Variants in PUS10 observed in about 807,000 individuals in gnomAD.
PUS10 encodes pseudouridine synthase 10, also known as tRNA pseudouridine synthase Pus10.
Under a neutral mutation model 75.0 loss-of-function variants are expected in PUS10, and 59 were observed. The ratio of observed to expected loss-of-function variants is 0.79; its 90% CI spans 0.64 to 0.98. PUS10 has a LOEUF of 0.98. PUS10 is among the 50% of genes least tolerant of loss of function. The probability of loss-of-function intolerance (pLI) is 0.00; values close to 1 mark genes in which losing one functional copy is unlikely to be tolerated. For synonymous variants in PUS10, 219 were observed against 211.6 expected (o/e 1.03, Z -0.30); for missense variants, 650 against 614.4 (o/e 1.06, Z -0.61).
At chr2:60,989,133 A>G (rs943031084) in intron 4 of PUS10, among the ~76,000 whole-genome samples, 3 of 151,978 alleles carry the variant, frequency 2.0e-5, no homozygotes, top group Admixed American at 6.5e-5. Context: ...AGCAGAAGAA[A>G]TGAATACTCC....
At position 61,008,818 on chromosome 2, in the gene PUS10, T is replaced by C. The variant is rs756816485; in HGVS notation, c.324A>G (p.Val108=). 2 of 1,608,692 alleles carry C rather than the reference T, an allele frequency of 1.2e-6. No homozygotes were observed. Among genetic ancestry groups the C allele is most frequent in the South Asian group, 1.1e-5 (1 of 90,322 alleles). ...STASKNSNLN[V]CNVCLGILQE... ...GAAGAATTCCTAGGCATACATTACA[T>C]ACATTTAAATTTGAGTTCTTGGAAG... The change falls in exon 3 of 18, where the codon GTA becomes GTG. Residue 108 remains valine (V), a synonymous_variant. Coordinates refer to ENST00000316752, the MANE Select transcript of PUS10 (RefSeq NM_144709.4).
At chr2:61,007,736 TC>T (rs1167776598) in intron 3 of PUS10, among the ~76,000 whole-genome samples, 9 of 130,218 alleles carry the variant, frequency 6.9e-5, no homozygotes, top group African/African-American at 2.4e-4. Context: ...ACCACTGCAC[TC>T]CAGCCTGGGT....
At position 60,983,806 on chromosome 2, in the gene PUS10, C is replaced by G. The variant is rs760094355; in HGVS notation, c.469-12249G>C. Among the ~76,000 whole-genome samples, 4 of 151,006 alleles carry G rather than the reference C, an allele frequency of 2.6e-5. No individual in the cohort carries two copies. The East Asian group carries it at 7.8e-4, about 29-fold the overall frequency. ...TTTTAAAATAGTAAAAAAGAAATGA[C>G]AAAACTATCATTATTTGCAAATAAG... On this transcript the variant is annotated intron_variant, in intron 4 of 17. Transcript: ENST00000316752.
At chr2:60,972,070 T>C (rs546606833) in intron 4 of PUS10, among the ~76,000 whole-genome samples, 2 of 149,028 alleles carry the variant, frequency 1.3e-5, no homozygotes, top group Admixed American at 1.3e-4. Context: ...GTTTTCACCA[T>C]GTTGGCCAGG....
At chr2:61,007,178 T>C (rs531621621) in intron 3 of PUS10, among the ~76,000 whole-genome samples, 17 of 151,812 alleles carry the variant, frequency 1.1e-4, no homozygotes, top group Non-Finnish European at 1.9e-4. Flanking sequence ...TTTTCAGATA[T>C]GTCAATTAAA....
intron 8 of PUS10, among the ~76,000 whole-genome samples, chr2:60,964,826 T>C (rs1419664912): frequency 6.6e-6 from 1 of 152,138 alleles, no homozygotes; most frequent in African/African-American, 2.4e-5. Flanking sequence ...AGGGGAACAA[T>C]CTAGACACTA....
At chr2:60,987,448 A>G (rs1454723766) in intron 4 of PUS10, among the ~76,000 whole-genome samples, 1 of 152,114 alleles carries the variant, frequency 6.6e-6, no homozygotes, top group Non-Finnish European at 1.5e-5. Context: ...GAGAGAGAAA[A>G]AAAAGGAAGA....
intron 15 of PUS10, among the ~76,000 whole-genome samples, chr2:60,950,537 C>T (rs1675271956): frequency 6.6e-6 from 1 of 152,166 alleles, no homozygotes; most frequent in Non-Finnish European, 1.5e-5. Context: ...CATGCCTCAT[C>T]TTCCCAAGTA....
intron 4 of PUS10, among the ~76,000 whole-genome samples, chr2:60,972,953 T>G (rs1235613551): frequency 6.6e-6 from 1 of 152,234 alleles, no homozygotes; most frequent in African/African-American, 2.4e-5. Flanking sequence ...CCGGAGTAGC[T>G]GCTGCCATCA....
chr2:61,007,210 CTTT>C (rs1234880152), intron 3 of PUS10, among the ~76,000 whole-genome samples: 7 of 146,254 alleles, frequency 4.8e-5, no homozygotes, highest in Non-Finnish European at 1.0e-4. Context: ...GAAGAGTAGG[CTTT>C]TGTTTTTTTT....
chr2:60,974,755 T>C, intron 4 of PUS10, among the ~76,000 whole-genome samples: 1 of 152,260 alleles, frequency 6.6e-6, no homozygotes, highest in East Asian at 1.9e-4. Flanking sequence ...TGGAGCTGCC[T>C]GCCCCACTGC....
chr2:60,979,702 A>G (rs1471664717), intron 4 of PUS10, among the ~76,000 whole-genome samples: 1 of 152,164 alleles, frequency 6.6e-6, no homozygotes, highest in African/African-American at 2.4e-5. Flanking sequence ...TTCTTTCCCT[A>G]CATGGTTGAG....
At chr2:61,012,834 CAAAAAAAAAAAAAA>C (rs70959885) in intron 1 of PUS10, among the ~76,000 whole-genome samples, 4 of 30,158 alleles carry the variant, frequency 1.3e-4, no homozygotes, top group Non-Finnish European at 2.0e-4. Flanking sequence ...AACTCCGTCT[CAAAAAAAAAAAAAA>C]AAAAAAAAAA....
intron 10 of PUS10, 133 bp from the exon 11 acceptor site, chr2:60,960,650 C>G (rs1675970573): frequency 2.9e-6 from 2 of 693,716 alleles, no homozygotes; most frequent in Admixed American, 3.8e-5. Flanking sequence ...CTTTACCTAA[C>G]TAACAATCCA....
At chr2:60,944,745 C>T (rs1408729005) in intron 17 of PUS10, among the ~76,000 whole-genome samples, 1 of 151,790 alleles carries the variant, frequency 6.6e-6, no homozygotes, top group East Asian at 1.9e-4. Flanking sequence ...TATTTCCGTG[C>T]TTGGTTTAAG....
At chr2:60,988,490 T>C (rs1036231852) in intron 4 of PUS10, among the ~76,000 whole-genome samples, 5 of 152,222 alleles carry the variant, frequency 3.3e-5, no homozygotes, top group Non-Finnish European at 7.3e-5. Flanking sequence ...ACTTTGGTCT[T>C]AGTAATTTGC....
intron 4 of PUS10, among the ~76,000 whole-genome samples, chr2:60,974,211 CTTTTTTTTT>C (rs35241132): frequency 2.1e-5 from 2 of 96,068 alleles, no homozygotes; most frequent in African/African-American, 4.9e-5. Context: ...GATAAAGCTC[CTTTTTTTTT>C]TTTTTTTTTT....
chr2:60,969,601 C>T (rs888388275), intron 5 of PUS10, among the ~76,000 whole-genome samples: 7 of 152,176 alleles, frequency 4.6e-5, no homozygotes, highest in Non-Finnish European at 8.8e-5. Flanking sequence ...CCAGAGTATG[C>T]AAGGCAATTA....
intron 11 of PUS10, among the ~76,000 whole-genome samples, chr2:60,957,858 C>A (rs755526573): frequency 6.6e-6 from 1 of 152,276 alleles, no homozygotes; most frequent in Non-Finnish European, 1.5e-5. Flanking sequence ...GCTTCCAGCA[C>A]AGCATGACTC....
Sources: allele counts gnomAD v4.1 joint callset (sites outside exome capture counted in the v4.1 genomes callset), GRCh38; gene constraint gnomAD v4.1.1; transcripts MANE v1.5; gene names NCBI Gene and HGNC (gene_info 2026-07-23, HGNC 2026-07-21).